Variants in DRC8 observed in about 807,000 individuals in gnomAD.
DRC8 encodes dynein regulatory complex subunit 8.
the DRC8 span, among the ~76,000 whole-genome samples, chr1:245,025,074 A>G: frequency 1.3e-5 from 2 of 151,984 alleles, no homozygotes; most frequent in African/African-American, 4.8e-5. Context: ...GTCAAATTAC[A>G]CACCTTTGGA....
At chr1:245,078,001 A>C in the DRC8 span, among the ~76,000 whole-genome samples, 7 of 152,316 alleles carry the variant, frequency 4.6e-5, no homozygotes, top group Middle Eastern at 6.8e-3. Flanking sequence ...GAACTCAGAC[A>C]ACTCAATTGC....
At chr1:245,116,551 C>T in the DRC8 span, among the ~76,000 whole-genome samples, 1 of 152,162 alleles carries the variant, frequency 6.6e-6, no homozygotes, top group East Asian at 1.9e-4. Flanking sequence ...TCCACCTCGT[C>T]AAACAGAGGT....
At chr1:245,000,942 G>A in the DRC8 span, among the ~76,000 whole-genome samples, 1 of 152,044 alleles carries the variant, frequency 6.6e-6, no homozygotes, top group South Asian at 2.1e-4. Flanking sequence ...TTATGTCAGT[G>A]GAGGCTTGGT....
the DRC8 span, among the ~76,000 whole-genome samples, chr1:244,972,041 G>A: frequency 6.7e-6 from 1 of 149,252 alleles, no homozygotes. Context: ...GACTTGGTTA[G>A]GTCAGCATGA....
the DRC8 span, among the ~76,000 whole-genome samples, chr1:245,052,363 T>C: frequency 6.6e-6 from 1 of 152,106 alleles, no homozygotes; most frequent in Non-Finnish European, 1.5e-5. Context: ...GAGTTCAGGG[T>C]GGTGACAGTG....
the DRC8 span, among the ~76,000 whole-genome samples, chr1:245,111,202 G>A: frequency 3.3e-3 from 505 of 152,282 alleles, 2 homozygotes; most frequent in African/African-American, 0.011. Flanking sequence ...AGGCAGCAGG[G>A]AGTCAGACCT....
At chr1:245,104,419 A>T in the DRC8 span, among the ~76,000 whole-genome samples, 1 of 151,664 alleles carries the variant, frequency 6.6e-6, no homozygotes. Context: ...CAGGAGAATC[A>T]CTTGAACCTG....
the DRC8 span, among the ~76,000 whole-genome samples, chr1:245,045,470 C>G: frequency 1.3e-5 from 2 of 152,184 alleles, no homozygotes; most frequent in East Asian, 1.9e-4. Flanking sequence ...TGGGAGTGGG[C>G]CAGAGCAGCA....
At chr1:244,982,589 T>C in the DRC8 span, among the ~76,000 whole-genome samples, 2 of 152,116 alleles carry the variant, frequency 1.3e-5, no homozygotes, top group East Asian at 3.9e-4. Context: ...ACTCGGACCC[T>C]GGAGTCCATA....
At chr1:245,116,789 G>A in the DRC8 span, among the ~76,000 whole-genome samples, 1 of 152,098 alleles carries the variant, frequency 6.6e-6, no homozygotes, top group Non-Finnish European at 1.5e-5. Context: ...CTAAATACAC[G>A]GAAGAGCTGT....
chr1:245,097,374 T>C, the DRC8 span, among the ~76,000 whole-genome samples: 2 of 151,896 alleles, frequency 1.3e-5, no homozygotes, highest in Non-Finnish European at 2.9e-5. The surrounding 1 kb of genome is among the most constrained non-coding windows in gnomAD (Gnocchi z 5.0). Flanking sequence ...AAAAATTAGC[T>C]GGGCATGGTG....
At chr1:244,970,903 A>T in the DRC8 span, 2 of 178,084 alleles carry the variant, frequency 1.1e-5, no homozygotes, top group South Asian at 2.3e-4. Context: ...CCGCCTCCAC[A>T]CTCTCGCCTG....
the DRC8 span, chr1:244,970,143 C>G: frequency 1.5e-6 from 1 of 683,720 alleles, no homozygotes; most frequent in African/African-American, 1.9e-5. Context: ...CGGGACAAGT[C>G]CGGCTCCGGC....
the DRC8 span, among the ~76,000 whole-genome samples, chr1:245,020,985 G>A: frequency 1.3e-5 from 2 of 152,012 alleles, no homozygotes; most frequent in African/African-American, 4.8e-5. Context: ...CAGATTGAAC[G>A]CAGAACTAGA....
At chr1:245,066,861 T>G in the DRC8 span, among the ~76,000 whole-genome samples, 1 of 151,924 alleles carries the variant, frequency 6.6e-6, no homozygotes. Flanking sequence ...GAGCCGAGAT[T>G]GCGCCAGTGC....
the DRC8 span, chr1:245,122,378 A>G: frequency 6.5e-6 from 1 of 154,320 alleles, no homozygotes; most frequent in East Asian, 1.9e-4. Context: ...GTGACAGCAC[A>G]CAGTTTAAAT....
chr1:245,026,308 TAGTAAC>T, the DRC8 span, among the ~76,000 whole-genome samples: 1 of 152,200 alleles, frequency 6.6e-6, no homozygotes, highest in Non-Finnish European at 1.5e-5. Context: ...CTGTAAGAAA[TAGTAAC>T]AATAACTTAT....
At chr1:245,079,684 C>G in the DRC8 span, among the ~76,000 whole-genome samples, 1 of 152,174 alleles carries the variant, frequency 6.6e-6, no homozygotes, top group Non-Finnish European at 1.5e-5. Flanking sequence ...AAGGTTGAGA[C>G]TGCCTGCTCT....
chr1:245,103,767 A>G, the DRC8 span, among the ~76,000 whole-genome samples: 1 of 152,198 alleles, frequency 6.6e-6, no homozygotes, highest in Non-Finnish European at 1.5e-5. Context: ...TGCTTGACTC[A>G]GAGCTTCCTA....
Sources: gnomAD v4.1 joint callset for allele counts (sites outside exome capture counted in the v4.1 genomes callset) on GRCh38, gnomAD v4.1.1 for gene constraint, Gnocchi (gnomAD v3.1) non-coding constraint, MANE v1.5 for transcripts, NCBI Gene and HGNC (gene_info 2026-07-23, HGNC 2026-07-21) for gene names.